CADM2: variants seen among roughly 807,000 people sequenced by gnomAD.
The protein encoded by CADM2 is cell adhesion molecule 2, also known as immunoglobulin superfamily member 4D.
Under a neutral mutation model 49.8 loss-of-function variants are expected in CADM2, and 12 were observed. The observed-to-expected ratio is 0.24, with a 90% CI of 0.15 to 0.39. The LOEUF is 0.39. Among genes scored for constraint, CADM2 ranks in the 10% least tolerant of loss-of-function variants. The pLI is 1.00. For missense variants in CADM2, 378 were observed against 492.3 expected (o/e 0.77, Z 2.20); for synonymous variants, 214 against 175.4 (o/e 1.22, Z -1.74).
intron 1 of CADM2, among the ~76,000 whole-genome samples, chr3:85,172,291 T>C (rs1029707344): frequency 6.6e-6 from 1 of 152,190 alleles, no homozygotes; most frequent in East Asian, 1.9e-4. Context: ...GTTTGTTCAA[T>C]TGTAAAAAAG....
intron 1 of CADM2, among the ~76,000 whole-genome samples, chr3:85,017,867 A>T (rs9816652): frequency 6.6e-6 from 1 of 151,946 alleles, no homozygotes; most frequent in Non-Finnish European, 1.5e-5. Flanking sequence ...CGAGTCAAAG[A>T]TCAATGAAAT....
chr3:85,087,970 T>C (rs1339783678), intron 1 of CADM2, among the ~76,000 whole-genome samples: 1 of 152,162 alleles, frequency 6.6e-6, no homozygotes, highest in Non-Finnish European at 1.5e-5. Context: ...CAGTGTCTCA[T>C]TCCTGTTTAC....
rs145193562 is a variant in CADM2 at position 85,329,392 on chromosome 3, GAC to G, written c.61+369750_61+369751del. ...TCTACTAAACACATACACACACACA[GAC>G]ACACACACACACACACACACACACA... On this transcript the variant is annotated intron_variant, in intron 1 of 9. Transcript: ENST00000383699. Among the ~76,000 whole-genome samples, 1,302 of 145,908 alleles carry G rather than the reference GAC, an allele frequency of 8.9e-3. 8 individuals carry two copies. The highest frequency in any genetic ancestry group is 0.023 in the African/African-American group (905 of 40,036).
At chr3:85,269,626 G>A (rs2043192714) in intron 1 of CADM2, among the ~76,000 whole-genome samples, 1 of 151,106 alleles carries the variant, frequency 6.6e-6, no homozygotes, top group Non-Finnish European at 1.5e-5. Flanking sequence ...TATCTCTTGT[G>A]TACTGAGTCA....
chr3:85,204,120 TTAAA>T (rs1179995805), intron 1 of CADM2, among the ~76,000 whole-genome samples: 4 of 152,184 alleles, frequency 2.6e-5, no homozygotes, highest in Admixed American at 2.0e-4. Flanking sequence ...TAACAACAAT[TTAAA>T]TAATCCCTCA....
chr3:85,970,465 T>C (rs1376246175), intron 8 of CADM2, among the ~76,000 whole-genome samples: 2 of 151,538 alleles, frequency 1.3e-5, no homozygotes, highest in African/African-American at 4.8e-5. Flanking sequence ...TATGTCAAAG[T>C]GGACCTATTC....
chr3:85,611,076 C>T (rs1386487818), intron 1 of CADM2, among the ~76,000 whole-genome samples: 1 of 151,362 alleles, frequency 6.6e-6, no homozygotes, highest in Non-Finnish European at 1.5e-5. Context: ...TAATAGAATA[C>T]AAAGAAAAGA....
rs138035655 is a variant in CADM2 at position 85,486,165 on chromosome 3, T to A, written c.62-240357T>A. ...TATTTAAATGATGTAGACATTAAAC[T>A]GCTATCTTCAGAAAATAATTTCTTG... is the stretch of plus-strand genomic sequence containing the variant. On this transcript the variant is annotated intron_variant, in intron 1 of 9. Transcript: ENST00000383699. Among the ~76,000 whole-genome samples the A allele has an allele frequency of 2.1e-3, 319 of 152,260 alleles. 1 individual carries two copies. Among genetic ancestry groups the A allele is most frequent in the African/African-American group, 7.0e-3 (292 of 41,568 alleles).
intron 2 of CADM2, among the ~76,000 whole-genome samples, chr3:85,749,956 C>T (rs941226161): frequency 6.6e-6 from 1 of 151,924 alleles, no homozygotes; most frequent in Admixed American, 6.6e-5. Context: ...GTATATACCT[C>T]TTCTGATATT....
chr3:85,154,538 T>TC (rs2040040555), intron 1 of CADM2, among the ~76,000 whole-genome samples: 1 of 151,850 alleles, frequency 6.6e-6, no homozygotes, highest in Admixed American at 6.6e-5. Flanking sequence ...CGTGAGAACT[T>TC]CCCCAATCTA....
chr3:85,857,708 A>T (rs147287552), intron 3 of CADM2, among the ~76,000 whole-genome samples: 1 of 152,274 alleles, frequency 6.6e-6, no homozygotes, highest in African/African-American at 2.4e-5. Flanking sequence ...TTCTTATAAT[A>T]GCTGTTTCCA....
chr3:85,676,015 T>C, intron 1 of CADM2, among the ~76,000 whole-genome samples: 1 of 152,202 alleles, frequency 6.6e-6, no homozygotes, highest in East Asian at 1.9e-4. Flanking sequence ...TGAAGTATCA[T>C]TTGGCTTTTG....
At chr3:85,047,308 C>T (rs1433921248) in intron 1 of CADM2, among the ~76,000 whole-genome samples, 1 of 152,074 alleles carries the variant, frequency 6.6e-6, no homozygotes, top group Non-Finnish European at 1.5e-5. Flanking sequence ...TCTTTATACT[C>T]AGAGAACACG....
chr3:85,792,160 C>G (rs2071374890), intron 2 of CADM2, among the ~76,000 whole-genome samples: 1 of 152,034 alleles, frequency 6.6e-6, no homozygotes, highest in Non-Finnish European at 1.5e-5. Context: ...CTTGAGAGAA[C>G]AAAAAAATAT....
At chr3:85,451,481 T>A (rs1460342290) in intron 1 of CADM2, among the ~76,000 whole-genome samples, 1 of 152,098 alleles carries the variant, frequency 6.6e-6, no homozygotes. Context: ...GTACTGCAGA[T>A]GAACACCCAC....
At chr3:85,535,781 A>C (rs1334926014) in intron 1 of CADM2, among the ~76,000 whole-genome samples, 1 of 152,150 alleles carries the variant, frequency 6.6e-6, no homozygotes, top group East Asian at 1.9e-4. Flanking sequence ...ATGACACTGC[A>C]GGCGAGAATT....
intron 1 of CADM2, among the ~76,000 whole-genome samples, chr3:85,541,475 G>A (rs2107037561): frequency 7.0e-6 from 1 of 142,398 alleles, no homozygotes; most frequent in East Asian, 2.2e-4. Flanking sequence ...TATCAGAAGA[G>A]CATTTAGAAA....
chr3:85,521,691 AC>A (rs1322500900), intron 1 of CADM2, among the ~76,000 whole-genome samples: 4 of 152,126 alleles, frequency 2.6e-5, no homozygotes, highest in African/African-American at 9.7e-5. Flanking sequence ...AAAATTTAAA[AC>A]CCTGTAGCTA....
chr3:85,845,271 G>C (rs969104823), intron 3 of CADM2, among the ~76,000 whole-genome samples: 1 of 152,040 alleles, frequency 6.6e-6, no homozygotes, highest in African/African-American at 2.4e-5. Context: ...AGCAGGACAG[G>C]CTGGTAGCCC....
Sources: gnomAD v4.1 joint callset for allele counts (sites outside exome capture counted in the v4.1 genomes callset) on GRCh38, gnomAD v4.1.1 for gene constraint, MANE v1.5 for transcripts, NCBI Gene and HGNC (gene_info 2026-07-23, HGNC 2026-07-21) for gene names.